Variants in AFF2 observed in about 807,000 individuals in gnomAD.
The protein encoded by AFF2 is ALF transcription elongation factor 2.
In AFF2, 14 loss-of-function variants were observed where a neutral mutation model predicts 76.9. The observed-to-expected ratio is 0.18, with a 90% CI of 0.12 to 0.28. The LOEUF (loss-of-function observed/expected upper bound fraction) is 0.28, where lower values mean the gene tolerates loss of function less well. Ranked by LOEUF, AFF2 falls within the 10% of genes least tolerant of loss-of-function variation. The pLI, the probability that AFF2 is intolerant of heterozygous loss-of-function variation, is 1.00. For missense variants in AFF2, 868 were observed against 1,001.1 expected (o/e 0.87, Z 1.79); for synonymous variants, 398 against 366.7 (o/e 1.09, Z -0.98).
intron 9 of AFF2, among the ~76,000 whole-genome samples, chrX:148,937,012 A>T (rs1557285095): frequency 1.8e-5 from 2 of 112,192 alleles, no homozygotes; most frequent in African/African-American, 6.5e-5. Flanking sequence ...TCTCCTGCAA[A>T]CCAGCTCAAC....
At chrX:148,638,600 A>G (rs1557254223) in intron 1 of AFF2, among the ~76,000 whole-genome samples, 1 of 111,725 alleles carries the variant, frequency 9.0e-6, no homozygotes, top group Non-Finnish European at 1.9e-5. Flanking sequence ...ACTGTTCTGC[A>G]GGCGGTTCAC....
intron 1 of AFF2, among the ~76,000 whole-genome samples, chrX:148,508,719 A>G (rs1225326736): frequency 1.4e-4 from 16 of 112,153 alleles, no homozygotes; most frequent in Non-Finnish European, 2.3e-4. Context: ...GGTCGGCACA[A>G]CCACAGTGAC....
At chrX:148,715,720 C>T (rs1217236667) in intron 3 of AFF2, among the ~76,000 whole-genome samples, 3 of 112,111 alleles carry the variant, frequency 2.7e-5, no homozygotes, top group African/African-American at 6.5e-5. Context: ...TAATCAACTT[C>T]GTAAGAACCA....
intron 16 of AFF2, among the ~76,000 whole-genome samples, chrX:148,977,377 TA>T (rs1281539142): frequency 2.4e-4 from 25 of 102,559 alleles, no homozygotes; most frequent in African/African-American, 6.0e-4. Flanking sequence ...GACCTTCCTT[TA>T]AAAAAAAAAA....
intron 7 of AFF2, among the ~76,000 whole-genome samples, chrX:148,854,769 T>A (rs370978313): frequency 1.7e-4 from 19 of 111,912 alleles, no homozygotes; most frequent in African/African-American, 6.2e-4. Context: ...ATTTCAGGAA[T>A]TCCTTTGTGC....
At chrX:148,520,860 G>T (rs898954946) in intron 1 of AFF2, among the ~76,000 whole-genome samples, 7 of 112,178 alleles carry the variant, frequency 6.2e-5, no homozygotes. Flanking sequence ...CTTTCATTGT[G>T]GCTGGTGGCT....
At position 148,581,385 on chromosome X, in the gene AFF2, C is replaced by CGTAT. The variant is rs2053394340; in HGVS notation, c.48-70614_48-70613insGTAT. Among the ~76,000 whole-genome samples, 2 of 36,477 alleles carry CGTAT rather than the reference C, an allele frequency of 5.5e-5. 1 individual carries two copies. The highest frequency in any genetic ancestry group is 1.5e-4 in the African/African-American group (2 of 13,170). 31.7% of individuals were successfully genotyped at this position (36,477 alleles called of 115,157 possible). A position where few individuals can be genotyped will look rare whatever the true frequency, so the allele number is the denominator to read the frequency against. On this transcript the variant is annotated intron_variant, in intron 1 of 20. Coordinates refer to ENST00000370460, the MANE Select transcript of AFF2 (RefSeq NM_002025.4). ...ATACGTATACGTGTACACACATATA[C>CGTAT]ACGTATATACGTATACGTGTACACA...
intron 1 of AFF2, among the ~76,000 whole-genome samples, chrX:148,544,691 T>C (rs1006630178): frequency 1.8e-5 from 2 of 112,345 alleles, no homozygotes; most frequent in Non-Finnish European, 3.8e-5. Flanking sequence ...TGTCATGCCA[T>C]CAGGCTCATG....
chrX:148,966,406 A>C (rs782803779), intron 13 of AFF2, among the ~76,000 whole-genome samples: 5 of 110,235 alleles, frequency 4.5e-5, no homozygotes, highest in Non-Finnish European at 9.5e-5. Context: ...TAATATCTCT[A>C]TCTCTCCCTC....
chrX:148,717,104 G>A (rs2055032407), intron 3 of AFF2, among the ~76,000 whole-genome samples: 2 of 111,805 alleles, frequency 1.8e-5, no homozygotes, highest in Admixed American at 1.9e-4. Context: ...ACAGAAAAAT[G>A]GCACGCAGAT....
intron 11 of AFF2, among the ~76,000 whole-genome samples, chrX:148,957,445 C>T (rs1251206063): frequency 9.0e-6 from 1 of 111,037 alleles, no homozygotes; most frequent in African/African-American, 3.3e-5. Context: ...CTTGACTTTA[C>T]AAGTTCCAAA....
chrX:148,710,962 A>G (rs2054960174), intron 3 of AFF2, among the ~76,000 whole-genome samples: 1 of 111,769 alleles, frequency 8.9e-6, no homozygotes, highest in Non-Finnish European at 1.9e-5. Flanking sequence ...CCATTTTCAT[A>G]TATTGTTTAA....
At position 148,920,377 on chromosome X, in the gene AFF2, C is replaced by A. The variant is rs150847360; in HGVS notation, c.1397+16119C>A. Among the ~76,000 whole-genome samples, 337 of 111,908 alleles carry A rather than the reference C, an allele frequency of 3.0e-3. 2 individuals are homozygous for A. The highest frequency in any genetic ancestry group is 0.01 in the African/African-American group (322 of 30,787). Reference sequence around the variant, plus strand: ...AAGATTTGTAAAAGGTTAGGAATTACTATCCTAGGGATTTAGGTGTTGCAT... The same window carrying A: ...AAGATTTGTAAAAGGTTAGGAATTAATATCCTAGGGATTTAGGTGTTGCAT... On this transcript the variant is annotated intron_variant, in intron 9 of 20. Coordinates refer to ENST00000370460, the MANE Select transcript of AFF2 (RefSeq NM_002025.4).
At chrX:148,979,248 A>G (rs905240964) in intron 18 of AFF2, among the ~76,000 whole-genome samples, 2 of 112,058 alleles carry the variant, frequency 1.8e-5, no homozygotes, top group African/African-American at 6.5e-5. Context: ...TAGTTGTTTG[A>G]AATGAGCGAA....
At chrX:148,650,017 A>G (rs1159528444) in intron 1 of AFF2, among the ~76,000 whole-genome samples, 1 of 111,506 alleles carries the variant, frequency 9.0e-6, no homozygotes, top group Non-Finnish European at 1.9e-5. Context: ...TGGAAAGCAA[A>G]GAAATTAAGT....
At chrX:148,892,863 G>A (rs1467021008) in intron 8 of AFF2, among the ~76,000 whole-genome samples, 1 of 111,653 alleles carries the variant, frequency 9.0e-6, no homozygotes, top group African/African-American at 3.3e-5. Flanking sequence ...TATTTACTTT[G>A]TTATCAGCAG....
intron 1 of AFF2, among the ~76,000 whole-genome samples, chrX:148,535,749 C>A (rs1410229564): frequency 8.9e-6 from 1 of 111,839 alleles, no homozygotes; most frequent in Non-Finnish European, 1.9e-5. Flanking sequence ...TGCTCTGCAG[C>A]CCCCTAACTG....
intron 1 of AFF2, among the ~76,000 whole-genome samples, chrX:148,584,823 G>A (rs1405769695): frequency 9.0e-6 from 1 of 111,207 alleles, no homozygotes; most frequent in Non-Finnish European, 1.9e-5. Flanking sequence ...ACAGATGTGA[G>A]CCACCACGCC....
chrX:148,783,034 T>C (rs1557269209), intron 3 of AFF2, among the ~76,000 whole-genome samples: 1 of 112,090 alleles, frequency 8.9e-6, no homozygotes, highest in East Asian at 2.8e-4. Flanking sequence ...TGCTCCAGCC[T>C]TCATTTCTGA....
Sources: gnomAD v4.1 joint callset for allele counts (sites outside exome capture counted in the v4.1 genomes callset) on GRCh38, gnomAD v4.1.1 for gene constraint, MANE v1.5 for transcripts, NCBI Gene and HGNC (gene_info 2026-07-23, HGNC 2026-07-21) for gene names.